Variants in MTMR6 observed in about 807,000 individuals in gnomAD.
MTMR6 encodes the protein myotubularin related protein 6, also known as phosphatidylinositol-3,5-bisphosphate 3-phosphatase MTMR6.
A neutral mutation model predicts 80.1 loss-of-function variants in MTMR6; 47 were observed. The observed-to-expected ratio is 0.59, with a 90% confidence interval of 0.46 to 0.75. MTMR6 has a LOEUF of 0.75. Among genes scored for constraint, MTMR6 ranks in the 30% least tolerant of loss-of-function variants. MTMR6 has a pLI of 0.00. For synonymous variants in MTMR6, 254 were observed against 253.0 expected, an observed-to-expected ratio of 1.00 and a Z score of -0.04; for missense variants, 629 against 730.9, an observed-to-expected ratio of 0.86 and a Z score of 1.61.
In MTMR6 at chr13:25,257,730, T is replaced by C. The variant is rs1449935134; in HGVS notation, c.969+6A>G. The C allele has an allele frequency of 1.3e-6, 2 of 1,593,896 alleles. No homozygotes were observed. Among genetic ancestry groups the C allele is most frequent in the Non-Finnish European group, 1.7e-6 (2 of 1,162,204 alleles). ...CCAAGACCAAATATGAAAGATAAAG[T>C]ATTACTTTGGCCAAGAAGATTGCAG... On this transcript the variant is annotated splice_donor_region_variant and intron_variant, in intron 8 of 13. Coordinates refer to ENST00000381801, the MANE Select transcript of MTMR6 (RefSeq NM_004685.5).
chr13:25,267,745 T>G (rs759760924), intron 3 of MTMR6, 34 bp downstream of exon 3: 1 of 1,578,014 alleles, frequency 6.3e-7, no homozygotes, highest in Non-Finnish European at 8.6e-7. Flanking sequence ...CATCTCAAAT[T>G]GAGCATGTAA....
Position 25,287,467 on chromosome 13 carries a change from G to A in MTMR6, c.-220C>T. 1 of 604,700 alleles carries A rather than the reference G, an allele frequency of 1.7e-6. No individual in the cohort carries two copies. The highest frequency in any genetic ancestry group is 2.9e-5 in the East Asian group (1 of 34,696). 37.5% of individuals were successfully genotyped at this position (604,700 alleles called of 1,614,324 possible). A position where few individuals can be genotyped will look rare whatever the true frequency, so the allele number is the denominator to read the frequency against. Reference sequence around the variant, plus strand: ...CCCCGCGGCCTCCCGGGGGACTCGGGGCAGGCAGACAGAGCGTGTGTGGAC... The same window carrying A: ...CCCCGCGGCCTCCCGGGGGACTCGGAGCAGGCAGACAGAGCGTGTGTGGAC... On this transcript the variant is annotated 5_prime_UTR_variant, in exon 1 of 14. Coordinates refer to ENST00000381801, the MANE Select transcript of MTMR6 (RefSeq NM_004685.5).
intron 2 of MTMR6, among the ~76,000 whole-genome samples, chr13:25,273,774 C>T (rs1472666354): frequency 6.6e-6 from 1 of 152,144 alleles, no homozygotes; most frequent in Non-Finnish European, 1.5e-5. Context: ...ATCCACCCAC[C>T]TCGGCCTCCC....
chr13:25,257,648 TGA>T lies in MTMR6; in HGVS notation c.969+86_969+87del, dbSNP rs2137537145. 3 of 934,496 alleles carry T rather than the reference TGA, an allele frequency of 3.2e-6. No homozygotes were observed. In the South Asian group the frequency reaches 4.8e-5, roughly 15 times the overall value. The allele number at this position is 934,496 out of a possible 1,614,324, so 57.9% of individuals were successfully genotyped here. Reference sequence around the variant, plus strand: ...GTAAAAAATAATAAAAGTTATCTGATGAATAGATACCAGCCCCCAACAGAATA... The same window carrying T: ...GTAAAAAATAATAAAAGTTATCTGATATAGATACCAGCCCCCAACAGAATA... On this transcript the variant is annotated intron_variant, in intron 8 of 13. Coordinates refer to ENST00000381801, the MANE Select transcript of MTMR6 (RefSeq NM_004685.5).
At position 25,248,307 on chromosome 13, in the gene MTMR6, T is replaced by G. The variant is rs981737059; in HGVS notation, c.*925A>C. 3 of 152,174 alleles carry G rather than the reference T, an allele frequency of 2.0e-5. No homozygotes were observed. The highest frequency in any genetic ancestry group is 7.2e-5 in the African/African-American group (3 of 41,464). 9.4% of individuals were successfully genotyped at this position (152,174 alleles called of 1,614,324 possible). ...TTTAAAAATATACATATACATGTAC[T>G]ATTCATTGTTTCTCAGAACAGTTTT... On this transcript the variant is annotated 3_prime_UTR_variant, in exon 14 of 14. Transcript: ENST00000381801.
rs548638408 is a variant in MTMR6, at chr13:25,268,832, G to A, written c.142-891C>T. On this transcript the variant is annotated intron_variant, in intron 2 of 13. Transcript: ENST00000381801. ...CACACTCCCGGGCACAGCTGCAGCCGCCCAGCCATGGCTCTGGACCCAGGC... is the reference window on the plus strand; with the variant it reads ...CACACTCCCGGGCACAGCTGCAGCCACCCAGCCATGGCTCTGGACCCAGGC... Among the ~76,000 whole-genome samples, 47 of 152,212 alleles carry A rather than the reference G, an allele frequency of 3.1e-4. 1 individual carries two copies. The South Asian group carries it at 8.9e-3, about 29-fold the overall frequency.
At position 25,257,845 on chromosome 13, in the gene MTMR6, A is replaced by G; in HGVS notation, c.860T>C (p.Val287Ala). Residue 287 changes from valine to alanine, a missense_variant and splice_region_variant, in exon 8 of 14, where the codon GTC becomes GCC. Val to Ala is a moderately conservative substitution (Grantham distance 64). Transcript: ENST00000381801. ...GACAGAAAGCCCTTTAGTGCCATTG[A>G]CTGAAAGAGGTATAAAAATATTTCA... ...MRSSLQKLLE[V>A]NGTKGLSVND... The G allele has an allele frequency of 6.2e-7, 1 of 1,604,524 alleles. No homozygotes were observed. The highest frequency in any genetic ancestry group is 2.2e-5 in the East Asian group (1 of 44,794).
chr13:25,254,361 T>G, intron 10 of MTMR6, 24 bp downstream of exon 10: 1 of 1,517,476 alleles, frequency 6.6e-7, no homozygotes, highest in Non-Finnish European at 9.1e-7. Context: ...TTATAAAATA[T>G]ATGACTGTGT....
chr13:25,275,746 AG>A (rs1957706479), intron 1 of MTMR6, among the ~76,000 whole-genome samples: 1 of 151,214 alleles, frequency 6.6e-6, no homozygotes, highest in Non-Finnish European at 1.5e-5. Flanking sequence ...CTATAATCCT[AG>A]CTACTCGGGA....
chr13:25,265,452 T>C (rs1339672101), intron 5 of MTMR6, among the ~76,000 whole-genome samples: 1 of 152,184 alleles, frequency 6.6e-6, no homozygotes, highest in African/African-American at 2.4e-5. Flanking sequence ...TAAAAAATAG[T>C]GTTCTTGATC....
intron 1 of MTMR6, among the ~76,000 whole-genome samples, chr13:25,275,587 T>G (rs1351839525): frequency 6.7e-6 from 1 of 148,286 alleles, no homozygotes; most frequent in East Asian, 2.1e-4. Flanking sequence ...TACCGCCGGG[T>G]GTGGTGGCTC....
rs1593144654 is a variant in MTMR6 at position 25,257,803 on chromosome 13, C to G, written c.902G>C (p.Gly301Ala). Residue 301 changes from glycine (G) to alanine (A), a missense_variant, in exon 8 of 14, where the codon GGT becomes GCT. Coordinates refer to ENST00000381801, the MANE Select transcript of MTMR6 (RefSeq NM_004685.5). ...KGLSVNDFYSGLESSGWLRHI... is the reference protein window; with the variant it reads ...KGLSVNDFYSALESSGWLRHI... The stretch of plus-strand genomic sequence containing the variant: ...GCGAAGCCATCCCGAGCTCTCCAAA[C>G]CGGAGTAGAAATCATTGACAGAAAG... The G allele has an allele frequency of 1.2e-6, 2 of 1,613,948 alleles. No homozygotes were observed. The highest frequency in any genetic ancestry group is 1.6e-4 in the Middle Eastern group (1 of 6,062).
At chr13:25,285,342 T>C (rs1166364641) in intron 1 of MTMR6, among the ~76,000 whole-genome samples, 1 of 151,874 alleles carries the variant, frequency 6.6e-6, no homozygotes, top group Admixed American at 6.6e-5. Context: ...GGATTTGCTC[T>C]AGTTGATCAG....
chr13:25,255,141 T>A (rs1957170676), intron 9 of MTMR6, among the ~76,000 whole-genome samples: 1 of 152,254 alleles, frequency 6.6e-6, no homozygotes, highest in Admixed American at 6.5e-5. Flanking sequence ...CACATTATTT[T>A]CATAGTGTCA....
chr13:25,284,776 C>T (rs1957922972), intron 1 of MTMR6, among the ~76,000 whole-genome samples: 1 of 152,156 alleles, frequency 6.6e-6, no homozygotes, highest in East Asian at 1.9e-4. Flanking sequence ...TTTCCCAATA[C>T]ATTAATAATT....
intron 1 of MTMR6, among the ~76,000 whole-genome samples, chr13:25,276,543 T>C (rs921760421): frequency 1.3e-5 from 2 of 152,226 alleles, no homozygotes; most frequent in Non-Finnish European, 2.9e-5. Context: ...CCTCAAGTTG[T>C]AACTTCTCTA....
intron 1 of MTMR6, among the ~76,000 whole-genome samples, chr13:25,284,226 T>A (rs1957913912): frequency 6.6e-6 from 1 of 152,284 alleles, no homozygotes; most frequent in African/African-American, 2.4e-5. Context: ...AGATTAAAAC[T>A]AGAGAGGCAC....
chr13:25,251,501 G>A lies in MTMR6; in HGVS notation c.1605+148C>T, dbSNP rs9319210. 0.094 allele frequency: 60,423 copies of A among 643,922 alleles called. 3,999 individuals are homozygous for A. The highest frequency in any genetic ancestry group is 0.23 in the Admixed American group (6,612 of 29,374). 39.9% of individuals were successfully genotyped at this position (643,922 alleles called of 1,614,324 possible). On this transcript the variant is annotated intron_variant, in intron 13 of 13. Coordinates refer to ENST00000381801, the MANE Select transcript of MTMR6 (RefSeq NM_004685.5). This position sits in a 1 kb window ranked among gnomAD's most constrained non-coding sequence, Gnocchi z 4.1. Reference sequence around the variant, plus strand: ...TACAAAGAAAGTGATTCGAACTAACGTATTCAATCAAAGTAGGGATGACCT... The same window carrying A: ...TACAAAGAAAGTGATTCGAACTAACATATTCAATCAAAGTAGGGATGACCT...
intron 2 of MTMR6, among the ~76,000 whole-genome samples, chr13:25,271,666 T>C (rs1957578804): frequency 6.6e-6 from 1 of 152,206 alleles, no homozygotes; most frequent in Admixed American, 6.5e-5. Flanking sequence ...CTTATCACTA[T>C]GTATTTTACT....
Sources: allele counts gnomAD v4.1 joint callset (sites outside exome capture counted in the v4.1 genomes callset), GRCh38; gene constraint gnomAD v4.1.1; non-coding constraint Gnocchi (gnomAD v3.1); transcripts MANE v1.5; gene names NCBI Gene and HGNC (gene_info 2026-07-23, HGNC 2026-07-21).